AGAP1: variants seen among roughly 807,000 people sequenced by gnomAD.
AGAP1 encodes arf-GAP with GTPase, ANK repeat and PH domain-containing protein 1.
AGAP1 carries 29 observed loss-of-function variants against 105.3 expected under a neutral mutation model. The ratio of observed to expected loss-of-function variants is 0.28; its 90% CI spans 0.21 to 0.38. The LOEUF (loss-of-function observed/expected upper bound fraction) is 0.38. AGAP1 is among the 10% of genes least tolerant of loss of function. The pLI is 1.00. For synonymous variants in AGAP1, 509 were observed against 485.9 expected (o/e 1.05, Z -0.63); for missense variants, 998 against 1,165.1 (o/e 0.86, Z 2.09).
Position 235,919,730 on chromosome 2 carries a change from T to TG in AGAP1, c.1324+10825dup, listed in dbSNP as rs1436544914. 1.3e-5 allele frequency among the ~76,000 whole-genome samples: 2 copies of TG among 152,142 alleles called. No homozygotes were observed. Among genetic ancestry groups the TG allele is most frequent in the Non-Finnish European group, 2.9e-5 (2 of 68,026 alleles). ...TAAAAACACACACACACACACCTGT[T>TG]GCATTTATCATATAAAGGAGAAAGA... is the stretch of plus-strand genomic sequence containing the variant. On this transcript the variant is annotated intron_variant, in intron 11 of 17. Coordinates refer to ENST00000304032, the MANE Select transcript of AGAP1 (RefSeq NM_001037131.3). The surrounding 1 kb of genome is among the most constrained non-coding windows in gnomAD (Gnocchi z 4.1).
Position 236,045,865 on chromosome 2 carries a change from T to C in AGAP1, c.1892-3194T>C, listed in dbSNP as rs2057700626. The C allele has an allele frequency of 2.2e-6, 1 of 445,550 alleles. No homozygotes were observed. The highest frequency in any genetic ancestry group is 2.4e-5 in the Admixed American group (1 of 41,762). The allele number at this position is 445,550 out of a possible 1,614,324, so 27.6% of individuals were successfully genotyped here. A position where few individuals can be genotyped will look rare whatever the true frequency, so the allele number is the denominator to read the frequency against. ...CCCCTCAGTCAGCCCCAGCCTTACC[T>C]GTCTCTAAGCAGAGGGTGGTGAGCA... is the stretch of plus-strand genomic sequence containing the variant. On this transcript the variant is annotated intron_variant, in intron 15 of 17. Coordinates refer to ENST00000304032, the MANE Select transcript of AGAP1 (RefSeq NM_001037131.3). The surrounding 1 kb of genome is among the most constrained non-coding windows in gnomAD (Gnocchi z 6.9).
intron 11 of AGAP1, among the ~76,000 whole-genome samples, chr2:235,915,548 C>T (rs573358268): frequency 5.3e-5 from 8 of 152,142 alleles, no homozygotes; most frequent in Non-Finnish European, 1.0e-4. Context: ...GGCATAGTGG[C>T]GAGTGCCTGT....
Position 236,124,239 on chromosome 2 carries a change from C to T in AGAP1, c.*117C>T. The T allele has an allele frequency of 8.5e-7, 1 of 1,174,138 alleles. No individual in the cohort carries two copies. Among genetic ancestry groups the T allele is most frequent in the Non-Finnish European group, 1.2e-6 (1 of 826,830 alleles). 72.7% of individuals were successfully genotyped at this position (1,174,138 alleles called of 1,614,324 possible). A position where few individuals can be genotyped will look rare whatever the true frequency, so the allele number is the denominator to read the frequency against. On this transcript the variant is annotated 3_prime_UTR_variant, in exon 18 of 18. Coordinates refer to ENST00000304032, the MANE Select transcript of AGAP1 (RefSeq NM_001037131.3). This position sits in a 1 kb window ranked among gnomAD's most constrained non-coding sequence, Gnocchi z 5.1. ...ATCCCCTCCCTCTTCCTGGTGGCCACCTCCCTCCCGCCCACCCACTCTCAC... is the reference window on the plus strand; with the variant it reads ...ATCCCCTCCCTCTTCCTGGTGGCCATCTCCCTCCCGCCCACCCACTCTCAC...
Position 236,042,987 on chromosome 2 carries a change from T to A in AGAP1, c.1891+2146T>A, listed in dbSNP as rs1209163365. Among the ~76,000 whole-genome samples the A allele has an allele frequency of 1.3e-5, 2 of 152,220 alleles. No homozygotes were observed. The highest frequency in any genetic ancestry group is 4.1e-4 in the South Asian group (2 of 4,834). On this transcript the variant is annotated intron_variant, in intron 15 of 17. Coordinates refer to ENST00000304032, the MANE Select transcript of AGAP1 (RefSeq NM_001037131.3). This position sits in a 1 kb window ranked among gnomAD's most constrained non-coding sequence, Gnocchi z 5.6. ...GAATTGAGGAGCCTGAAGGGTCAAG[T>A]CATTTGTCTGAGGTCACAGAAATAG...
chr2:235,594,821 GCCTCGGCCT>G (rs1050332635), intron 1 of AGAP1, among the ~76,000 whole-genome samples: 6 of 150,290 alleles, frequency 4.0e-5, no homozygotes, highest in Admixed American at 4.0e-4. Flanking sequence ...TGATCCACCT[GCCTCGGCCT>G]CCCAGAGTGC....
chr2:235,512,243 G>GT (rs1378496274), intron 1 of AGAP1, among the ~76,000 whole-genome samples: 8 of 152,178 alleles, frequency 5.3e-5, no homozygotes, highest in Admixed American at 5.2e-4. Flanking sequence ...TTGAGTATCT[G>GT]TTTTTTAACT....
At chr2:236,013,835 A>C (rs2056602773) in intron 13 of AGAP1, among the ~76,000 whole-genome samples, 1 of 152,116 alleles carries the variant, frequency 6.6e-6, no homozygotes, top group Non-Finnish European at 1.5e-5. Context: ...TTGCCTGAAG[A>C]GTTGAGCCAC....
intron 5 of AGAP1, among the ~76,000 whole-genome samples, chr2:235,746,292 A>G (rs1387251735): frequency 6.0e-5 from 9 of 150,906 alleles, no homozygotes; most frequent in East Asian, 1.9e-4. Context: ...TCTCAAGGGA[A>G]AAAAAAAACA....
intron 12 of AGAP1, among the ~76,000 whole-genome samples, chr2:235,941,853 G>GC (rs544085033): frequency 2.0e-5 from 3 of 151,866 alleles, no homozygotes; most frequent in Non-Finnish European, 4.4e-5. Context: ...TGTTGTTGGG[G>GC]GGGTAAGAAG....
In AGAP1 at chr2:235,621,244, A is replaced by G. The variant is rs1420470548; in HGVS notation, c.164-87935A>G. On this transcript the variant is annotated intron_variant, in intron 1 of 17. Transcript: ENST00000304032. The surrounding 1 kb of genome is among the most constrained non-coding windows in gnomAD (Gnocchi z 4.1). ...ACCGTGTTGGCCAGGGTGGTCTTGA[A>G]CTCCTGACCTCTGGTGATCCGCCCA... Among the ~76,000 whole-genome samples the G allele has an allele frequency of 6.6e-6, 1 of 151,474 alleles. No individual in the cohort carries two copies. Among genetic ancestry groups the G allele is most frequent in the Non-Finnish European group, 1.5e-5 (1 of 67,848 alleles).
At chr2:235,884,704 T>C (rs1295664724) in intron 10 of AGAP1, among the ~76,000 whole-genome samples, 2 of 152,146 alleles carry the variant, frequency 1.3e-5, no homozygotes, top group Non-Finnish European at 2.9e-5. Context: ...TCCGCCTGCC[T>C]CGGCCTCCCA....
chr2:235,920,942 T>C (rs957107556), intron 11 of AGAP1, among the ~76,000 whole-genome samples: 1 of 152,240 alleles, frequency 6.6e-6, no homozygotes, highest in African/African-American at 2.4e-5. Flanking sequence ...ATTATCACCA[T>C]TTCTTCATTA....
At chr2:235,984,178 G>C (rs2055206973) in intron 13 of AGAP1, among the ~76,000 whole-genome samples, 1 of 152,182 alleles carries the variant, frequency 6.6e-6, no homozygotes, top group African/African-American at 2.4e-5. Flanking sequence ...GGATCCTTTT[G>C]TGTCTGGCAT....
At chr2:235,997,519 T>C (rs2055871121) in intron 13 of AGAP1, among the ~76,000 whole-genome samples, 1 of 152,224 alleles carries the variant, frequency 6.6e-6, no homozygotes, top group Non-Finnish European at 1.5e-5. Context: ...CCATACATTT[T>C]TGTGAGGCCT....
chr2:235,495,767 G>A (rs1941290650), intron 1 of AGAP1, among the ~76,000 whole-genome samples: 1 of 152,212 alleles, frequency 6.6e-6, no homozygotes, highest in South Asian at 2.1e-4. Flanking sequence ...GTCCGGCCAA[G>A]ACTCACCTGG....
chr2:235,737,923 A>G lies in AGAP1; in HGVS notation c.311-3040A>G, dbSNP rs1952345180. On this transcript the variant is annotated intron_variant, in intron 3 of 17. Transcript: ENST00000304032. This position sits in a 1 kb window ranked among gnomAD's most constrained non-coding sequence, Gnocchi z 4.5. Reference sequence around the variant, plus strand: ...TCAAAGTTGAACCTTAGGGTTCATCAAGCAGGGAGGGCTTCCACATACCCT... The same window carrying G: ...TCAAAGTTGAACCTTAGGGTTCATCGAGCAGGGAGGGCTTCCACATACCCT... Among the ~76,000 whole-genome samples, 1 of 152,022 alleles carries G rather than the reference A, an allele frequency of 6.6e-6. No homozygotes were observed.
At chr2:235,708,513 C>A (rs1430392995) in intron 1 of AGAP1, among the ~76,000 whole-genome samples, 1 of 152,078 alleles carries the variant, frequency 6.6e-6, no homozygotes. Context: ...TGTAGACCAC[C>A]CCATGGAGCT....
chr2:235,538,647 TTC>T (rs1430661741), intron 1 of AGAP1, among the ~76,000 whole-genome samples: 2 of 152,080 alleles, frequency 1.3e-5, no homozygotes, highest in Admixed American at 6.5e-5. Context: ...GCTTACCCTC[TTC>T]CTCTTTGGTT....
rs1321862413 is a variant in AGAP1, at chr2:235,664,042, T to C, written c.164-45137T>C. On this transcript the variant is annotated intron_variant, in intron 1 of 17. Transcript: ENST00000304032. This position sits in a 1 kb window ranked among gnomAD's most constrained non-coding sequence, Gnocchi z 5.7. ...CCCTCCTGTCCCTGAGCTCGAAGGCTGAATGGTCGATGGGAGCTCCTTTGG... is the reference window on the plus strand; with the variant it reads ...CCCTCCTGTCCCTGAGCTCGAAGGCCGAATGGTCGATGGGAGCTCCTTTGG... Among the ~76,000 whole-genome samples, 4 of 152,286 alleles carry C rather than the reference T, an allele frequency of 2.6e-5. No homozygotes were observed. Among genetic ancestry groups the C allele is most frequent in the Admixed American group, 1.3e-4 (2 of 15,290 alleles).
Sources: allele counts gnomAD v4.1 joint callset (sites outside exome capture counted in the v4.1 genomes callset), GRCh38; gene constraint gnomAD v4.1.1; non-coding constraint Gnocchi (gnomAD v3.1); transcripts MANE v1.5; gene names NCBI Gene and HGNC (gene_info 2026-07-23, HGNC 2026-07-21).